Variants in PXDN observed in about 807,000 individuals in gnomAD.
The protein encoded by PXDN is peroxidasin, also known as peroxidasin homolog.
PXDN carries 77 observed loss-of-function variants against 140.3 expected under a neutral mutation model. The ratio of observed to expected loss-of-function variants is 0.55; its 90% CI spans 0.46 to 0.66. The LOEUF is 0.66. Among genes scored for constraint, PXDN ranks in the 30% least tolerant of loss-of-function variants. The pLI, the probability that PXDN is intolerant of heterozygous loss-of-function variation, is 0.00. For synonymous variants in PXDN, 911 were observed against 857.4 expected, an observed-to-expected ratio of 1.06 and a Z score of -1.09; for missense variants, 1,838 against 2,039.5, an observed-to-expected ratio of 0.90 and a Z score of 1.90.
intron 16 of PXDN, among the ~76,000 whole-genome samples, chr2:1,652,538 C>T (rs772598645): frequency 2.8e-4 from 42 of 152,140 alleles, no homozygotes; most frequent in Non-Finnish European, 4.0e-4. Flanking sequence ...TTTCACCCAT[C>T]GAGAAAAGCA....
At chr2:1,702,967 A>AGGGGG (rs1304993116) in intron 1 of PXDN, among the ~76,000 whole-genome samples, 12 of 130,234 alleles carry the variant, frequency 9.2e-5, no homozygotes, top group African/African-American at 3.2e-4. Flanking sequence ...CAGTCTAGAA[A>AGGGGG]GGCGGGACAA....
rs190985194 is a variant in PXDN, at chr2:1,736,668, T to G, written c.200+7588A>C. ...ACTCCATCTCCACAAAATAAAAAAT[T>G]AAAAAGAAATTTAAAAAAAAAAATC... On this transcript the variant is annotated intron_variant, in intron 1 of 22. Coordinates refer to ENST00000252804, the MANE Select transcript of PXDN (RefSeq NM_012293.3). Among the ~76,000 whole-genome samples the G allele has an allele frequency of 2.8e-5, 4 of 143,554 alleles. No homozygotes were observed. The South Asian group carries it at 9.3e-4, about 33-fold the overall frequency. 94.2% of individuals were successfully genotyped at this position (143,554 alleles called of 152,430 possible).
rs747334833 is a variant in PXDN, at chr2:1,680,177, G to GT, written c.730+15dup. On this transcript the variant is annotated intron_variant, in intron 7 of 22. Transcript: ENST00000252804. The stretch of plus-strand genomic sequence containing the variant: ...GTGTGAGTGTGTGGATGGTGTGTGC[G>GT]TGTCGGGCCACTCACCACAGTTCAG... 6.3e-5 allele frequency: 98 copies of GT among 1,544,234 alleles called. No homozygotes were observed. In the Middle Eastern group the frequency reaches 1.5e-3, roughly 23 times the overall value.
Position 1,649,340 on chromosome 2 carries a change from A to T in PXDN, c.2440T>A (p.Phe814Ile). The T allele has an allele frequency of 6.2e-7, 1 of 1,613,742 alleles. No individual in the cohort carries two copies. Among genetic ancestry groups the T allele is most frequent in the Non-Finnish European group, 8.5e-7 (1 of 1,179,850 alleles). Residue 814 changes from phenylalanine to isoleucine, a missense_variant, in exon 17 of 23, where the codon TTC becomes ATC. Phe to Ile is a conservative substitution (Grantham distance 21). This residue lies in a region of PXDN where 537 missense variants were observed against 583.9 expected (regional missense o/e 0.92). Coordinates refer to ENST00000252804, the MANE Select transcript of PXDN (RefSeq NM_012293.3). This position sits in a 1 kb window ranked among gnomAD's most constrained non-coding sequence, Gnocchi z 7.1. The stretch of plus-strand genomic sequence containing the variant: ...CCCCACTGCATCAGCATGTGGGTGA[A>T]CTGCTCGTCGGGTGTGACGGTCTCC... The part of the protein sequence containing the change: ...GTETVTPDEQ[F>I]THMLMQWGQF...
chr2:1,683,596 T>G (rs1683973215), intron 6 of PXDN, 60 bp downstream of exon 6: 1 of 1,287,044 alleles, frequency 7.8e-7, no homozygotes, highest in Non-Finnish European at 1.1e-6. Context: ...ACCAGGTGAA[T>G]AGATAACAGA....
At position 1,649,655 on chromosome 2, in the gene PXDN, C is replaced by G. The variant is rs751975338; in HGVS notation, c.2125G>C (p.Val709Leu). The stretch of plus-strand genomic sequence containing the variant: ...ATGAGGTTCAGGTACTGTGGAGACA[C>G]CAGGTCGTTGTAGTGGTAACCTGGG... ...NGTSYHYNDLVSPQYLNLIAN... is the reference protein window; with the variant it reads ...NGTSYHYNDLLSPQYLNLIAN... Residue 709 changes from valine (V) to leucine (L), a missense_variant, in exon 17 of 23, where the codon GTG (valine) becomes CTG (leucine). This residue lies in a region of PXDN where 537 missense variants were observed against 583.9 expected (regional missense o/e 0.92). Transcript: ENST00000252804. The surrounding 1 kb of genome is among the most constrained non-coding windows in gnomAD (Gnocchi z 7.1). The G allele has an allele frequency of 2.2e-5, 35 of 1,613,910 alleles. 1 individual carries two copies. In the South Asian group the frequency reaches 3.5e-4, roughly 16 times the overall value.
Position 1,714,392 on chromosome 2 carries a change from CAAG to C in PXDN, c.201-21261_201-21259del, listed in dbSNP as rs888959815. Among the ~76,000 whole-genome samples, 1 of 152,158 alleles carries C rather than the reference CAAG, an allele frequency of 6.6e-6. No homozygotes were observed. ...AGAGGAGATCAGGTCTTGCCTCTGC[CAAG>C]AAGATGGGGCTACTGTGGGAGCAGG... On this transcript the variant is annotated intron_variant, in intron 1 of 22. Coordinates refer to ENST00000252804, the MANE Select transcript of PXDN (RefSeq NM_012293.3). The surrounding 1 kb of genome is among the most constrained non-coding windows in gnomAD (Gnocchi z 4.3).
chr2:1,683,545 G>GGC, intron 6 of PXDN, 111 bp downstream of exon 6: 1 of 428,714 alleles, frequency 2.3e-6, no homozygotes, highest in Non-Finnish European at 3.6e-6. Flanking sequence ...CATTCTTTCA[G>GGC]AATCAGATTG....
At chr2:1,728,856 T>C (rs748366994) in intron 1 of PXDN, among the ~76,000 whole-genome samples, 1 of 152,162 alleles carries the variant, frequency 6.6e-6, no homozygotes, top group Non-Finnish European at 1.5e-5. Flanking sequence ...TGAAAAAACT[T>C]TTGTGGCCAC....
chr2:1,725,649 A>T (rs148915251), intron 1 of PXDN, among the ~76,000 whole-genome samples: 3,965 of 152,302 alleles, frequency 0.026, 179 homozygotes, highest in African/African-American at 0.09. Context: ...CAACCTACAG[A>T]ATGGGAGAAA....
At chr2:1,653,907 G>A (rs1029433439) in intron 15 of PXDN, 122 bp from the exon 16 acceptor site, 5 of 1,200,158 alleles carry the variant, frequency 4.2e-6, no homozygotes, top group Non-Finnish European at 5.7e-6. Flanking sequence ...ACAACATAAT[G>A]TACTATACCT....
intron 10 of PXDN, 124 bp from the exon 11 acceptor site, chr2:1,665,198 A>G (rs931261860): frequency 2.5e-5 from 18 of 721,946 alleles, no homozygotes; most frequent in East Asian, 8.1e-5. Flanking sequence ...TACAACGAAG[A>G]GTCAGAAAGA....
At chr2:1,691,446 G>A (rs1294365608) in intron 3 of PXDN, among the ~76,000 whole-genome samples, 1 of 152,224 alleles carries the variant, frequency 6.6e-6, no homozygotes, top group Non-Finnish European at 1.5e-5. Flanking sequence ...AGTAAGAGGT[G>A]AAATCACTTA....
chr2:1,652,547 C>G (rs1250831625), intron 16 of PXDN, among the ~76,000 whole-genome samples: 1 of 152,082 alleles, frequency 6.6e-6, no homozygotes, highest in Non-Finnish European at 1.5e-5. Context: ...TCGAGAAAAG[C>G]AGAAACATCC....
intron 7 of PXDN, among the ~76,000 whole-genome samples, chr2:1,677,344 T>A (rs1014364599): frequency 3.9e-5 from 6 of 152,192 alleles, no homozygotes; most frequent in Admixed American, 3.3e-4. Flanking sequence ...CGAGGCCCTC[T>A]GGGAAAGCCA....
chr2:1,726,225 A>G (rs200632526), intron 1 of PXDN, among the ~76,000 whole-genome samples: 21,955 of 150,694 alleles, frequency 0.15, 2,031 homozygotes, highest in East Asian at 0.31. Flanking sequence ...TGGCACATAT[A>G]CACCATGGAA....
chr2:1,703,421 GA>G (rs1463393643), intron 1 of PXDN, among the ~76,000 whole-genome samples: 5 of 54,260 alleles, frequency 9.2e-5, no homozygotes, highest in Non-Finnish European at 1.4e-4. Context: ...GTGAAGGAGG[GA>G]CAACTCCAGG....
chr2:1,744,558 C>A (rs927933077), upstream of PXDN: 232 of 994,994 alleles, frequency 2.3e-4, no homozygotes, highest in Non-Finnish European at 2.9e-4. Context: ...GCGCGGGGGG[C>A]GGGGGGCGCC....
rs1683292010 is a variant in PXDN, at chr2:1,660,994, G to C, written c.1724C>G (p.Pro575Arg). The C allele has an allele frequency of 1.9e-6, 3 of 1,614,010 alleles. No homozygotes were observed. Among genetic ancestry groups the C allele is most frequent in the Non-Finnish European group, 2.5e-6 (3 of 1,179,900 alleles). Residue 575 changes from proline (P) to arginine (R), a missense_variant, in exon 14 of 23, where the codon CCT (proline) becomes CGT (arginine). Transcript: ENST00000252804. The surrounding 1 kb of genome is among the most constrained non-coding windows in gnomAD (Gnocchi z 4.6). ...VTESGKFHIS[P>R]EGFLTINDVG... is the part of the protein sequence containing the mutation. ...GTCATTGATGGTCAAGAATCCTTCA[G>C]GGCTGATGTGAAATTTTCCACTTTC...
Sources: gnomAD v4.1 joint callset for allele counts (sites outside exome capture counted in the v4.1 genomes callset) on GRCh38, gnomAD v4.1.1 for gene constraint, gnomAD v4.1.1 regional missense constraint, Gnocchi (gnomAD v3.1) non-coding constraint, MANE v1.5 for transcripts, NCBI Gene and HGNC (gene_info 2026-07-23, HGNC 2026-07-21) for gene names.